ZSWIM5: variants seen among roughly 807,000 people sequenced by gnomAD.
The protein encoded by ZSWIM5 is zinc finger SWIM domain-containing protein 5.
In ZSWIM5, 55 loss-of-function variants were observed where a neutral mutation model predicts 119.6. That is an observed-to-expected ratio of 0.46 (90% CI 0.37 to 0.58). ZSWIM5 has a LOEUF of 0.58. ZSWIM5 is among the 20% of genes least tolerant of loss of function. ZSWIM5 has a pLI of 0.00. For synonymous variants in ZSWIM5, 537 were observed against 606.9 expected, an observed-to-expected ratio of 0.88 and a Z score of 1.69; for missense variants, 1,193 against 1,512.8, an observed-to-expected ratio of 0.79 and a Z score of 3.51.
chr1:45,192,612 T>C (rs981992823), intron 1 of ZSWIM5, among the ~76,000 whole-genome samples: 10 of 152,244 alleles, frequency 6.6e-5, no homozygotes, highest in African/African-American at 1.7e-4. Context: ...AATGCTGCTA[T>C]AAAACATGGT....
At chr1:45,067,181 T>C (rs986256198) in intron 2 of ZSWIM5, among the ~76,000 whole-genome samples, 1 of 152,182 alleles carries the variant, frequency 6.6e-6, no homozygotes, top group Non-Finnish European at 1.5e-5. Flanking sequence ...CTCATGCCTG[T>C]AATCCTAGCA....
chr1:45,184,047 A>G (rs1195560488), intron 1 of ZSWIM5, among the ~76,000 whole-genome samples: 1 of 152,008 alleles, frequency 6.6e-6, no homozygotes, highest in Non-Finnish European at 1.5e-5. Flanking sequence ...AAGCTTATCC[A>G]CCATGATCAA....
intron 2 of ZSWIM5, among the ~76,000 whole-genome samples, chr1:45,075,418 A>G (rs911083047): frequency 3.9e-5 from 6 of 152,048 alleles, no homozygotes; most frequent in African/African-American, 1.4e-4. Flanking sequence ...TACAATTGTT[A>G]TATTCTCTTA....
Position 45,072,359 on chromosome 1 carries a change from C to T in ZSWIM5, c.953-12112G>A, listed in dbSNP as rs146713473. ...ATGGGTAGTTTGCTAATATTTTCTC[C>T]CATTCTGTGGTTTGTCTCTTCACTT... On this transcript the variant is annotated intron_variant, in intron 2 of 13. Coordinates refer to ENST00000359600, the MANE Select transcript of ZSWIM5 (RefSeq NM_020883.2). The surrounding 1 kb of genome is among the most constrained non-coding windows in gnomAD (Gnocchi z 4.1). Among the ~76,000 whole-genome samples, 1,349 of 151,910 alleles carry T rather than the reference C, an allele frequency of 8.9e-3. 11 individuals are homozygous for T. The highest frequency in any genetic ancestry group is 0.024 in the Middle Eastern group (7 of 294).
rs189753502 is a variant in ZSWIM5, at chr1:45,117,779, T to G, written c.596-29542A>C. Among the ~76,000 whole-genome samples the G allele has an allele frequency of 2.9e-3, 436 of 152,338 alleles. 12 individuals are homozygous for G. Among genetic ancestry groups the G allele is most frequent in the Admixed American group, 0.028 (424 of 15,304 alleles). ...GGTACAGAGACTGGTTACTGTAACT[T>G]AAGTGGCCTTGTTTAAATTCAGCAA... On this transcript the variant is annotated intron_variant, in intron 1 of 13. Coordinates refer to ENST00000359600, the MANE Select transcript of ZSWIM5 (RefSeq NM_020883.2).
intron 11 of ZSWIM5, among the ~76,000 whole-genome samples, chr1:45,028,172 A>G (rs1644931333): frequency 6.6e-6 from 1 of 152,170 alleles, no homozygotes; most frequent in Admixed American, 6.5e-5. Flanking sequence ...TTTCTTGATA[A>G]TGTTCTTTGA....
rs571796694 is a variant in ZSWIM5, at chr1:45,018,417, G to A, written c.*37C>T. 4 of 1,594,312 alleles carry A rather than the reference G, an allele frequency of 2.5e-6. No individual in the cohort carries two copies. The South Asian group carries it at 4.6e-5, about 18-fold the overall frequency. On this transcript the variant is annotated 3_prime_UTR_variant, in exon 14 of 14. Coordinates refer to ENST00000359600, the MANE Select transcript of ZSWIM5 (RefSeq NM_020883.2). The surrounding 1 kb of genome is among the most constrained non-coding windows in gnomAD (Gnocchi z 6.7). ...CTTGGCCTGACCTGATACTACCTGG[G>A]AACCCAGGCTGCTCTGGCAGTGAGC...
chr1:45,142,440 C>A (rs1234206085), intron 1 of ZSWIM5, among the ~76,000 whole-genome samples: 1 of 152,116 alleles, frequency 6.6e-6, no homozygotes, highest in Non-Finnish European at 1.5e-5. Flanking sequence ...CAGTCTTGAC[C>A]TCCCAGGCTC....
Position 45,152,293 on chromosome 1 carries a change from A to T in ZSWIM5, c.595+53463T>A, listed in dbSNP as rs74070875. ...AAAGTCAAGAGTGGTTTCTGGGGGAACCAGTTACGCAAGTGCAATAATCCT... is the reference window on the plus strand; with the variant it reads ...AAAGTCAAGAGTGGTTTCTGGGGGATCCAGTTACGCAAGTGCAATAATCCT... On this transcript the variant is annotated intron_variant, in intron 1 of 13. Transcript: ENST00000359600. 6.7e-3 allele frequency among the ~76,000 whole-genome samples: 1,019 copies of T among 152,314 alleles called. 10 individuals carry two copies. Among genetic ancestry groups the T allele is most frequent in the African/African-American group, 0.022 (911 of 41,564 alleles).
At chr1:45,045,854 A>G (rs1450189050) in intron 5 of ZSWIM5, among the ~76,000 whole-genome samples, 3 of 152,130 alleles carry the variant, frequency 2.0e-5, no homozygotes. Flanking sequence ...TATGTCGTAC[A>G]GTTAAGAGTG....
At chr1:45,073,366 C>G (rs909245871) in intron 2 of ZSWIM5, among the ~76,000 whole-genome samples, 2 of 147,480 alleles carry the variant, frequency 1.4e-5, no homozygotes, top group Non-Finnish European at 3.0e-5. Flanking sequence ...TCAAGCGATT[C>G]TCCTGCCTCA....
chr1:45,169,370 C>T (rs561510591), intron 1 of ZSWIM5, among the ~76,000 whole-genome samples: 1 of 152,044 alleles, frequency 6.6e-6, no homozygotes, highest in East Asian at 1.9e-4. Flanking sequence ...ATCTTTACAA[C>T]AGCTCTAAGA....
intron 1 of ZSWIM5, among the ~76,000 whole-genome samples, chr1:45,117,331 C>T (rs1645564301): frequency 6.6e-6 from 1 of 152,062 alleles, no homozygotes; most frequent in African/African-American, 2.4e-5. Flanking sequence ...AAATCAAATC[C>T]TATATAACTC....
intron 11 of ZSWIM5, among the ~76,000 whole-genome samples, chr1:45,025,786 A>G (rs1271192089): frequency 2.6e-5 from 4 of 152,128 alleles, no homozygotes; most frequent in South Asian, 2.1e-4. Flanking sequence ...TTCCTTTCCA[A>G]TATGTACAAT....
At chr1:45,150,186 A>AAAAAAAG (rs1645788257) in intron 1 of ZSWIM5, among the ~76,000 whole-genome samples, 1 of 150,570 alleles carries the variant, frequency 6.6e-6, no homozygotes, top group African/African-American at 2.5e-5. Context: ...AAAAAAAAAA[A>AAAAAAAG]AAAAAGAAAA....
In ZSWIM5 at chr1:45,087,967, G is replaced by A. The variant is rs764294486; in HGVS notation, c.866C>T (p.Thr289Met). The A allele has an allele frequency of 7.4e-6, 12 of 1,614,052 alleles. No individual in the cohort carries two copies. The highest frequency in any genetic ancestry group is 1.7e-5 in the Admixed American group (1 of 60,008). The part of the protein sequence containing the change: ...QLQKFIQYLI[T>M]AHHTEVLPTA... ...AGGAAGAACTTCAGTGTGGTGTGCC[G>A]TGATTAAATATTGAATAAACTTTTG... The change falls in exon 2 of 14, where the codon ACG becomes ATG. Residue 289 changes from threonine (T) to methionine (M), a missense_variant. Transcript: ENST00000359600.
intron 1 of ZSWIM5, among the ~76,000 whole-genome samples, chr1:45,089,768 TG>T (rs781089097): frequency 3.6e-4 from 55 of 152,206 alleles, no homozygotes; most frequent in Admixed American, 1.6e-3. Context: ...GGCCAGGAGT[TG>T]GGAGACCAGC....
chr1:45,136,975 C>G (rs1173159575), intron 1 of ZSWIM5, among the ~76,000 whole-genome samples: 1 of 152,186 alleles, frequency 6.6e-6, no homozygotes, highest in Admixed American at 6.6e-5. Context: ...AAACAGCAAT[C>G]ACCTTGAGTG....
chr1:45,047,361 A>AC (rs1270837389), intron 5 of ZSWIM5, among the ~76,000 whole-genome samples: 10 of 152,182 alleles, frequency 6.6e-5, no homozygotes, highest in African/African-American at 2.4e-4. Flanking sequence ...TGAAAGCCTG[A>AC]CTTGGAGTGA....
Sources: allele counts gnomAD v4.1 joint callset (sites outside exome capture counted in the v4.1 genomes callset), GRCh38; gene constraint gnomAD v4.1.1; non-coding constraint Gnocchi (gnomAD v3.1); transcripts MANE v1.5; gene names NCBI Gene and HGNC (gene_info 2026-07-23, HGNC 2026-07-21).